SORCS1: variants seen among roughly 807,000 people sequenced by gnomAD.
SORCS1 encodes VPS10 domain-containing receptor SorCS1.
A neutral mutation model predicts 146.1 loss-of-function variants in SORCS1; 60 were observed. The ratio of observed to expected loss-of-function variants is 0.41; its 90% CI spans 0.33 to 0.51. The LOEUF is 0.51. Among genes scored for constraint, SORCS1 ranks in the 20% least tolerant of loss-of-function variants. The pLI is 0.21. For synonymous variants in SORCS1, 637 were observed against 584.0 expected (o/e 1.09, Z -1.31); for missense variants, 1,352 against 1,487.6 (o/e 0.91, Z 1.50).
At position 106,916,835 on chromosome 10, in the gene SORCS1, C is replaced by A. The variant is rs556197727; in HGVS notation, c.626+39678G>T. Among the ~76,000 whole-genome samples the A allele has an allele frequency of 2.5e-4, 38 of 152,142 alleles. 1 individual carries two copies. The highest frequency in any genetic ancestry group is 7.7e-4 in the African/African-American group (32 of 41,510). On this transcript the variant is annotated intron_variant, in intron 2 of 25. Transcript: ENST00000263054. ...CACGATCTCAGCTCACTGCAACCTCCATCTCCCAGACTCAAGCAATTCTCC... is the reference window on the plus strand; with the variant it reads ...CACGATCTCAGCTCACTGCAACCTCAATCTCCCAGACTCAAGCAATTCTCC...
At chr10:106,639,925 G>C (rs1848958733) in intron 18 of SORCS1, among the ~76,000 whole-genome samples, 1 of 152,068 alleles carries the variant, frequency 6.6e-6, no homozygotes, top group South Asian at 2.1e-4. Context: ...GGCTGAGGGA[G>C]GAGAATTGCT....
intron 5 of SORCS1, among the ~76,000 whole-genome samples, chr10:106,732,719 C>T (rs76826816): frequency 0.01 from 1,523 of 152,180 alleles, 8 homozygotes; most frequent in Non-Finnish European, 0.017. Flanking sequence ...TTTCCATGTG[C>T]GTATAGTCTC....
In SORCS1 at chr10:106,673,064, C is replaced by T. The variant is rs7085091; in HGVS notation, c.1941-79G>A. 5,842 of 1,156,630 alleles carry T rather than the reference C, an allele frequency of 5.1e-3. 211 individuals carry two copies. The African/African-American group carries it at 0.079, about 16-fold the overall frequency. 71.6% of individuals were successfully genotyped at this position (1,156,630 alleles called of 1,614,324 possible). Reference sequence around the variant, plus strand: ...ATAACAACAGAGAGCATTTGTGGGGCGTTCACCCTGAGCTAAGCACATTAC... The same window carrying T: ...ATAACAACAGAGAGCATTTGTGGGGTGTTCACCCTGAGCTAAGCACATTAC... On this transcript the variant is annotated intron_variant, in intron 14 of 25. Transcript: ENST00000263054.
chr10:106,688,296 C>T lies in SORCS1; in HGVS notation c.1456G>A (p.Asp486Asn), dbSNP rs771639482. 1 of 1,613,958 alleles carries T rather than the reference C, an allele frequency of 6.2e-7. No individual in the cohort carries two copies. Among genetic ancestry groups the T allele is most frequent in the Non-Finnish European group, 8.5e-7 (1 of 1,179,888 alleles). ...GTGATGAAAGTCTTCACTTGGTTGT[C>T]AATCTTCTTGTTAGCCAAGAACATT... ...KGMFLANKKI[D>N]NQVKTFITYN... is the part of the protein sequence containing the mutation. The change falls in exon 10 of 26, where the codon GAC (aspartate) becomes AAC (asparagine). Residue 486 changes from aspartate (D) to asparagine (N), a missense_variant. Physicochemically the swap from Asp to Asn is conservative, Grantham distance 23 (BLOSUM62 1). Coordinates refer to ENST00000263054, the MANE Select transcript of SORCS1 (RefSeq NM_052918.5).
intron 3 of SORCS1, among the ~76,000 whole-genome samples, chr10:106,785,331 T>C (rs1238900522): frequency 3.3e-5 from 5 of 152,220 alleles, no homozygotes; most frequent in Non-Finnish European, 7.3e-5. Flanking sequence ...CCAAAATTCA[T>C]TTACTTTTCC....
At chr10:106,662,839 T>C (rs533378396) in intron 17 of SORCS1, among the ~76,000 whole-genome samples, 1 of 152,328 alleles carries the variant, frequency 6.6e-6, no homozygotes, top group African/African-American at 2.4e-5. Flanking sequence ...ATTTGAATTT[T>C]AAAGGAGGAC....
chr10:106,593,220 G>C lies in SORCS1; in HGVS notation c.3265+4131C>G, dbSNP rs573485999. Among the ~76,000 whole-genome samples the C allele has an allele frequency of 4.6e-5, 7 of 151,400 alleles. No individual in the cohort carries two copies. In the South Asian group the frequency reaches 1.5e-3, roughly 32 times the overall value. On this transcript the variant is annotated intron_variant, in intron 24 of 25. Transcript: ENST00000263054. ...GTGCCAAGTTTTCCATGAGTGAAGG[G>C]GGAATTCCCTCCACTGTTTTTTGTA...
At chr10:106,665,388 CTTT>C (rs35223659) in intron 17 of SORCS1, among the ~76,000 whole-genome samples, 1 of 134,982 alleles carries the variant, frequency 7.4e-6, no homozygotes. Context: ...TTCTCTCTCT[CTTT>C]TTTTTTTTTT....
intron 1 of SORCS1, among the ~76,000 whole-genome samples, chr10:107,055,717 G>A (rs10748932): frequency 0.85 from 129,936 of 152,178 alleles, 55,828 homozygotes; most frequent in African/African-American, 0.94. Flanking sequence ...AAAATAATAC[G>A]GCTGAACATT....
At chr10:106,587,737 CCA>C (rs1845326806) in intron 24 of SORCS1, among the ~76,000 whole-genome samples, 1 of 152,098 alleles carries the variant, frequency 6.6e-6, no homozygotes, top group Non-Finnish European at 1.5e-5. Context: ...ATTAAAAAAC[CCA>C]CACATACCCT....
chr10:106,963,015 G>T (rs1396957598), intron 1 of SORCS1, among the ~76,000 whole-genome samples: 4 of 151,514 alleles, frequency 2.6e-5, no homozygotes, highest in Non-Finnish European at 5.9e-5. Flanking sequence ...AAATATGGGG[G>T]AAGAGAATAA....
At position 106,671,350 on chromosome 10, in the gene SORCS1, C is replaced by T; in HGVS notation, c.2076G>A (p.Met692Ile). 1.9e-6 allele frequency: 3 copies of T among 1,614,048 alleles called. No homozygotes were observed. Among genetic ancestry groups the T allele is most frequent in the South Asian group, 1.1e-5 (1 of 91,070 alleles). The change falls in exon 16 of 26, where the codon ATG becomes ATA. Residue 692 changes from methionine to isoleucine, a missense_variant. Physicochemically the swap from Met to Ile is conservative, Grantham distance 10. Coordinates refer to ENST00000263054, the MANE Select transcript of SORCS1 (RefSeq NM_052918.5). ...QLHSQGEACI[M>I]GAKRIYKKRK... ...GCTTCTTATATATCCTTTTTGCTCC[C>T]ATGATACATGCTTCCCCCTGTAAGC...
intron 2 of SORCS1, among the ~76,000 whole-genome samples, chr10:106,934,539 A>G (rs1453800182): frequency 6.6e-6 from 1 of 152,128 alleles, no homozygotes; most frequent in Non-Finnish European, 1.5e-5. Context: ...GATTACAGGC[A>G]TGAGCCACTG....
At chr10:106,683,309 A>G (rs2135583537) in intron 10 of SORCS1, among the ~76,000 whole-genome samples, 1 of 152,314 alleles carries the variant, frequency 6.6e-6, no homozygotes, top group Admixed American at 6.5e-5. Context: ...TAACTGAAAC[A>G]TTGTACCCTT....
intron 2 of SORCS1, among the ~76,000 whole-genome samples, chr10:106,864,610 G>C (rs114582224): frequency 6.6e-6 from 1 of 152,176 alleles, no homozygotes; most frequent in African/African-American, 2.4e-5. Context: ...CCAGGGGAAT[G>C]AGTAGCATTC....
At chr10:106,961,008 A>C (rs577953271) in intron 1 of SORCS1, among the ~76,000 whole-genome samples, 1 of 152,146 alleles carries the variant, frequency 6.6e-6, no homozygotes, top group African/African-American at 2.4e-5. Context: ...ATCACAAAGG[A>C]CTCTGTGAGA....
chr10:106,586,568 C>A (rs1418420929), intron 24 of SORCS1, among the ~76,000 whole-genome samples: 1 of 152,182 alleles, frequency 6.6e-6, no homozygotes. Flanking sequence ...TATCCTCTAG[C>A]CTGGCTAACT....
chr10:106,990,811 A>G (rs1409203503), intron 1 of SORCS1, among the ~76,000 whole-genome samples: 1 of 152,250 alleles, frequency 6.6e-6, no homozygotes. Context: ...TAAACAGACA[A>G]AAACCACCAA....
intron 1 of SORCS1, among the ~76,000 whole-genome samples, chr10:107,113,548 G>A (rs569344948): frequency 1.9e-4 from 29 of 151,990 alleles, no homozygotes; most frequent in Middle Eastern, 6.8e-3. Context: ...AAATTAGCCC[G>A]GCAAGGTGGT....
Sources: gnomAD v4.1 joint callset for allele counts (sites outside exome capture counted in the v4.1 genomes callset) on GRCh38, gnomAD v4.1.1 for gene constraint, MANE v1.5 for transcripts, NCBI Gene and HGNC (gene_info 2026-07-23, HGNC 2026-07-21) for gene names.